MTX2: variants seen among roughly 807,000 people sequenced by gnomAD.
MTX2 encodes metaxin-2.
A neutral mutation model predicts 42.3 loss-of-function variants in MTX2; 35 were observed. That is an observed-to-expected ratio of 0.83 (90% CI 0.63 to 1.10). The LOEUF (loss-of-function observed/expected upper bound fraction) is 1.10, where lower values mean the gene tolerates loss of function less well. Ranked by LOEUF, MTX2 falls within the 50% of genes least tolerant of loss-of-function variation. The probability of loss-of-function intolerance (pLI) is 0.00; values close to 1 mark genes in which losing one functional copy is unlikely to be tolerated. For missense variants in MTX2, 307 were observed against 304.1 expected (o/e 1.01, Z -0.07); for synonymous variants, 119 against 100.9 (o/e 1.18, Z -1.08).
At chr2:176,275,386 C>G (rs1363598916) in intron 1 of MTX2, among the ~76,000 whole-genome samples, 1 of 151,770 alleles carries the variant, frequency 6.6e-6, no homozygotes, top group Non-Finnish European at 1.5e-5. Flanking sequence ...TTACAGGTGT[C>G]TGCCCCCATG....
At chr2:176,329,157 A>G (rs1684793491) in intron 7 of MTX2, 144 bp from the exon 8 acceptor site, 2 of 1,068,070 alleles carry the variant, frequency 1.9e-6, no homozygotes, top group Non-Finnish European at 2.6e-6. Context: ...TAAAATTTTA[A>G]TTTTTTAGAT....
chr2:176,293,684 A>G (rs1464281343), intron 1 of MTX2, among the ~76,000 whole-genome samples: 1 of 152,158 alleles, frequency 6.6e-6, no homozygotes, highest in African/African-American at 2.4e-5. Context: ...CCAGAAGCAG[A>G]TGCTGGCACC....
chr2:176,337,620 G>T lies in MTX2; in HGVS notation c.748G>T (p.Glu250Ter). 1.2e-6 allele frequency: 2 copies of T among 1,612,644 alleles called. No individual in the cohort carries two copies. The highest frequency in any genetic ancestry group is 2.2e-5 in the South Asian group (2 of 90,768). ...SNLLAFCRRI[E>*]QHYFEDRGKG... ...CCTCCTTGCTTTCTGTAGGAGAATT[G>T]AACAGCACTATTTTGAAGATCGTGG... The change falls in exon 10 of 10, where the codon GAA becomes TAA. Residue 250 changes from glutamate to a stop codon, truncating the protein, a stop_gained. Transcript: ENST00000249442. LOFTEE classifies it high-confidence loss of function.
chr2:176,329,974 T>C (rs1006755545), intron 8 of MTX2, among the ~76,000 whole-genome samples: 1 of 151,062 alleles, frequency 6.6e-6, no homozygotes, highest in Non-Finnish European at 1.5e-5. Context: ...ATACTTATCT[T>C]GTCCACAAGC....
intron 3 of MTX2, among the ~76,000 whole-genome samples, chr2:176,299,719 G>A (rs1480120149): frequency 2.0e-5 from 3 of 151,902 alleles, no homozygotes; most frequent in African/African-American, 7.3e-5. Context: ...TCTATATAGT[G>A]GGCCAGCATT....
chr2:176,295,634 C>G (rs1455107778), intron 1 of MTX2, among the ~76,000 whole-genome samples: 1 of 152,076 alleles, frequency 6.6e-6, no homozygotes, highest in African/African-American at 2.4e-5. Context: ...GTAGCCCAAA[C>G]CAAACTAAAC....
Position 176,269,668 on chromosome 2 carries a change from A to C in MTX2, c.39A>C (p.Ala13=). 6.3e-7 allele frequency: 1 copy of C among 1,595,162 alleles called. No individual in the cohort carries two copies. The highest frequency in any genetic ancestry group is 1.1e-5 in the South Asian group (1 of 88,588). Residue 13 remains alanine (A), a splice_region_variant and synonymous_variant, in exon 1 of 10, where the codon GCA becomes GCC. Coordinates refer to ENST00000249442, the MANE Select transcript of MTX2 (RefSeq NM_006554.5). ...LVAEAFVSQI[A]AAEPWPENAT... is the part of the protein sequence containing the mutation. ...CGGAAGCCTTCGTCTCCCAGATTGC[A>C]GGTAGCGCGGCTGGCCGCAGACCCA...
At chr2:176,331,902 T>G (rs1684872097) in intron 9 of MTX2, among the ~76,000 whole-genome samples, 1 of 151,276 alleles carries the variant, frequency 6.6e-6, no homozygotes. Context: ...CACACTGTCT[T>G]TAGAGGAGGC....
At chr2:176,271,265 T>C (rs1187295627) in intron 1 of MTX2, among the ~76,000 whole-genome samples, 2 of 152,242 alleles carry the variant, frequency 1.3e-5, no homozygotes, top group East Asian at 3.9e-4. Context: ...TGATTAAAGA[T>C]CTAAATATAA....
intron 9 of MTX2, among the ~76,000 whole-genome samples, chr2:176,331,573 T>G (rs186928327): frequency 6.6e-6 from 1 of 151,150 alleles, no homozygotes; most frequent in Admixed American, 6.6e-5. Context: ...ATATTTAAGT[T>G]ATATTAATCT....
chr2:176,334,043 G>C (rs151008474), intron 9 of MTX2, among the ~76,000 whole-genome samples: 16 of 151,850 alleles, frequency 1.1e-4, no homozygotes, highest in African/African-American at 3.1e-4. Context: ...ATGTTCTAAA[G>C]TAACTTGCCA....
chr2:176,274,575 C>T (rs1208360225), intron 1 of MTX2, among the ~76,000 whole-genome samples: 2 of 152,076 alleles, frequency 1.3e-5, no homozygotes, highest in Non-Finnish European at 2.9e-5. Context: ...CATGTATGTG[C>T]ATACACAAAC....
intron 1 of MTX2, chr2:176,270,146 C>T (rs1185642447): frequency 6.5e-6 from 2 of 305,718 alleles, no homozygotes; most frequent in African/African-American, 4.3e-5. Flanking sequence ...ACAGTAGTGC[C>T]ATTTGCTAAG....
At chr2:176,271,656 C>CA (rs1692812211) in intron 1 of MTX2, among the ~76,000 whole-genome samples, 1 of 152,114 alleles carries the variant, frequency 6.6e-6, no homozygotes, top group South Asian at 2.1e-4. Flanking sequence ...AAGTTACTCT[C>CA]AAACTATTGG....
chr2:176,321,079 T>C (rs529319692), intron 3 of MTX2, among the ~76,000 whole-genome samples: 6 of 152,152 alleles, frequency 3.9e-5, no homozygotes, highest in Non-Finnish European at 7.4e-5. Flanking sequence ...TCTTTGTGTT[T>C]TAATAAGCTC....
intron 3 of MTX2, among the ~76,000 whole-genome samples, chr2:176,311,608 G>A (rs1397337179): frequency 6.6e-6 from 1 of 152,208 alleles, no homozygotes; most frequent in South Asian, 2.1e-4. Context: ...CCTCAGCAAT[G>A]GAGGACACCC....
At chr2:176,299,785 A>C (rs1683978814) in intron 3 of MTX2, among the ~76,000 whole-genome samples, 1 of 152,134 alleles carries the variant, frequency 6.6e-6, no homozygotes, top group Non-Finnish European at 1.5e-5. Flanking sequence ...GATCAAAACA[A>C]TGTGACAGGT....
intron 9 of MTX2, 110 bp from the exon 10 acceptor site, chr2:176,337,383 G>A: frequency 1.2e-6 from 1 of 837,268 alleles, no homozygotes; most frequent in South Asian, 2.2e-5. Context: ...TTGGATCTGA[G>A]GTTAGTTGAA....
intron 1 of MTX2, among the ~76,000 whole-genome samples, chr2:176,294,888 G>A: frequency 6.6e-6 from 1 of 152,102 alleles, no homozygotes; most frequent in East Asian, 1.9e-4. Flanking sequence ...ATACTTAATT[G>A]TTTTAAAAAT....
Sources: gnomAD v4.1 joint callset for allele counts (sites outside exome capture counted in the v4.1 genomes callset) on GRCh38, gnomAD v4.1.1 for gene constraint, MANE v1.5 for transcripts, NCBI Gene and HGNC (gene_info 2026-07-23, HGNC 2026-07-21) for gene names.